The following MTHFD1L variants were observed in gnomAD, a reference collection of about 807,000 sequenced individuals.
MTHFD1L encodes monofunctional C1-tetrahydrofolate synthase, mitochondrial.
MTHFD1L carries 81 observed loss-of-function variants against 119.5 expected under a neutral mutation model. The ratio of observed to expected loss-of-function variants is 0.68; its 90% CI spans 0.57 to 0.82. MTHFD1L has a LOEUF of 0.82. Among genes scored for constraint, MTHFD1L ranks in the 40% least tolerant of loss-of-function variants. The pLI, the probability that MTHFD1L is intolerant of heterozygous loss-of-function variation, is 0.00. For synonymous variants in MTHFD1L, 430 were observed against 475.2 expected, an observed-to-expected ratio of 0.90 and a Z score of 1.24; for missense variants, 1,125 against 1,253.4, an observed-to-expected ratio of 0.90 and a Z score of 1.55.
intron 26 of MTHFD1L, among the ~76,000 whole-genome samples, chr6:151,078,851 G>T (rs985412494): frequency 7.2e-5 from 11 of 152,028 alleles, no homozygotes; most frequent in Admixed American, 5.2e-4. Flanking sequence ...ACTGGGAGTC[G>T]CCGCCACAGT....
intron 7 of MTHFD1L, among the ~76,000 whole-genome samples, chr6:150,895,909 G>A (rs918832057): frequency 6.6e-6 from 1 of 152,124 alleles, no homozygotes; most frequent in Non-Finnish European, 1.5e-5. Flanking sequence ...TGACAGTAAT[G>A]ACAGACAATG....
chr6:151,033,541 T>A (rs1584240040), intron 24 of MTHFD1L, among the ~76,000 whole-genome samples: 1 of 152,244 alleles, frequency 6.6e-6, no homozygotes, highest in African/African-American at 2.4e-5. Context: ...TTTCTGAAGA[T>A]CCCTTGCCGT....
In MTHFD1L at chr6:151,045,358, C is replaced by A. The variant is rs564882185; in HGVS notation, c.2847+8241C>A. On this transcript the variant is annotated intron_variant, in intron 26 of 27. Coordinates refer to ENST00000367321, the MANE Select transcript of MTHFD1L (RefSeq NM_015440.5). ...CTCCCCCCAGCAGGTCCGCCAGGACCTCCGCAGGGAGCATCTTGCCTGCAA... is the reference window on the plus strand; with the variant it reads ...CTCCCCCCAGCAGGTCCGCCAGGACATCCGCAGGGAGCATCTTGCCTGCAA... Among the ~76,000 whole-genome samples, 16 of 152,310 alleles carry A rather than the reference C, an allele frequency of 1.1e-4. No individual in the cohort carries two copies. In the Middle Eastern group the frequency reaches 0.01, roughly 97 times the overall value.
At position 150,876,187 on chromosome 6, in the gene MTHFD1L, C is replaced by G; in HGVS notation, c.312+13C>G. On this transcript the variant is annotated intron_variant, in intron 2 of 27. Coordinates refer to ENST00000367321, the MANE Select transcript of MTHFD1L (RefSeq NM_015440.5). ...TGCAATTATCCAGGTAAGCCGAGAA[C>G]AAGGTTCAGTCCTACTATTTTAGGA... is the stretch of plus-strand genomic sequence containing the variant. 6.4e-7 allele frequency: 1 copy of G among 1,563,154 alleles called. No individual in the cohort carries two copies. The highest frequency in any genetic ancestry group is 8.7e-7 in the Non-Finnish European group (1 of 1,152,258).
intron 16 of MTHFD1L, among the ~76,000 whole-genome samples, chr6:150,955,378 G>A (rs996484190): frequency 2.0e-5 from 3 of 151,976 alleles, no homozygotes; most frequent in Admixed American, 1.3e-4. Flanking sequence ...TCACCTGTTG[G>A]TCGCTTCCTC....
At chr6:151,101,337 C>G (rs1269922800) in intron 27 of MTHFD1L, among the ~76,000 whole-genome samples, 189 bp from the exon 28 acceptor site, 1 of 152,130 alleles carries the variant, frequency 6.6e-6, no homozygotes, top group South Asian at 2.1e-4. Flanking sequence ...GTGGTGCAGA[C>G]TCTGCTTCTC....
chr6:150,961,452 G>A (rs1796443275), intron 18 of MTHFD1L, among the ~76,000 whole-genome samples: 1 of 152,074 alleles, frequency 6.6e-6, no homozygotes, highest in Non-Finnish European at 1.5e-5. Flanking sequence ...TTGCATTTTT[G>A]TATATAAGTG....
chr6:150,945,623 A>T (rs952210865), intron 15 of MTHFD1L, 82 bp downstream of exon 15: 1 of 1,402,716 alleles, frequency 7.1e-7, no homozygotes, highest in African/African-American at 1.4e-5. Flanking sequence ...GAAATTTTCA[A>T]CTTGGTTTGA....
intron 20 of MTHFD1L, among the ~76,000 whole-genome samples, chr6:151,009,412 C>T (rs747437055): frequency 2.0e-5 from 3 of 151,512 alleles, no homozygotes; most frequent in Non-Finnish European, 4.4e-5. Flanking sequence ...TGGTGGCAAA[C>T]ACCTGTAGCT....
chr6:150,952,052 G>A (rs1341769999), intron 16 of MTHFD1L, among the ~76,000 whole-genome samples: 1 of 152,136 alleles, frequency 6.6e-6, no homozygotes, highest in Admixed American at 6.6e-5. Flanking sequence ...TTTTATACCT[G>A]GGTCTGGTCT....
chr6:150,987,340 A>G (rs1187845439), intron 20 of MTHFD1L, among the ~76,000 whole-genome samples: 1 of 152,212 alleles, frequency 6.6e-6, no homozygotes, highest in African/African-American at 2.4e-5. Context: ...ATGACCTAAC[A>G]TACAAGGCAG....
intron 8 of MTHFD1L, 79 bp downstream of exon 8, chr6:150,905,840 T>G: frequency 2.6e-6 from 3 of 1,161,066 alleles, no homozygotes; most frequent in Non-Finnish European, 3.9e-6. Flanking sequence ...CCTAAGAGGT[T>G]ATGTTTCTGA....
intron 1 of MTHFD1L, among the ~76,000 whole-genome samples, chr6:150,873,707 C>T (rs1779931500): frequency 6.6e-6 from 1 of 152,064 alleles, no homozygotes; most frequent in Non-Finnish European, 1.5e-5. Flanking sequence ...CTCGCTCTGT[C>T]ACCCAGCTGG....
chr6:151,004,351 A>G (rs922024322), intron 20 of MTHFD1L, among the ~76,000 whole-genome samples: 3 of 152,120 alleles, frequency 2.0e-5, no homozygotes, highest in Non-Finnish European at 4.4e-5. Flanking sequence ...TCCAAGTCCT[A>G]ATTATCGCTG....
At chr6:150,922,373 A>T in intron 10 of MTHFD1L, 71 bp downstream of exon 10, 1 of 1,233,558 alleles carries the variant, frequency 8.1e-7, no homozygotes, top group Non-Finnish European at 1.2e-6. Context: ...GTCATGGGGG[A>T]GAAGCACAAC....
At chr6:150,879,804 A>AT (rs1191702995) in intron 4 of MTHFD1L, among the ~76,000 whole-genome samples, 1 of 149,462 alleles carries the variant, frequency 6.7e-6, no homozygotes, top group Non-Finnish European at 1.5e-5. Context: ...TAATTTTTGC[A>AT]TTTTTGTAGA....
At chr6:151,084,980 A>AT (rs1210605426) in intron 26 of MTHFD1L, among the ~76,000 whole-genome samples, 24 of 127,502 alleles carry the variant, frequency 1.9e-4, no homozygotes, top group South Asian at 1.3e-3. Context: ...GAAAAAAAAA[A>AT]AAAAATATAT....
intron 26 of MTHFD1L, among the ~76,000 whole-genome samples, chr6:151,074,994 C>G (rs1312702208): frequency 6.6e-6 from 1 of 151,982 alleles, no homozygotes; most frequent in Non-Finnish European, 1.5e-5. Context: ...AGAGTTGTAA[C>G]CTTGTTATAG....
chr6:151,057,457 A>G (rs571907637), intron 26 of MTHFD1L: 4 of 507,256 alleles, frequency 7.9e-6, no homozygotes, highest in East Asian at 1.5e-4. Flanking sequence ...CCTGGGCAAC[A>G]TAATGAAAAC....
Sources: gnomAD v4.1 joint callset for allele counts (sites outside exome capture counted in the v4.1 genomes callset) on GRCh38, gnomAD v4.1.1 for gene constraint, MANE v1.5 for transcripts, NCBI Gene and HGNC (gene_info 2026-07-23, HGNC 2026-07-21) for gene names.